DNAAF9: variants seen among roughly 807,000 people sequenced by gnomAD.
The protein encoded by DNAAF9 is shulin.
In DNAAF9, 90 loss-of-function variants were observed where a neutral mutation model predicts 167.0. The observed-to-expected ratio is 0.54, with a 90% CI of 0.45 to 0.64. The LOEUF (loss-of-function observed/expected upper bound fraction) is 0.64, where lower values mean the gene tolerates loss of function less well. Among genes scored for constraint, DNAAF9 ranks in the 30% least tolerant of loss-of-function variants. The pLI is 0.00. For missense variants in DNAAF9, 1,315 were observed against 1,442.2 expected, an observed-to-expected ratio of 0.91 and a Z score of 1.43; for synonymous variants, 491 against 508.8, an observed-to-expected ratio of 0.96 and a Z score of 0.47.
In DNAAF9 at chr20:3,333,002, C is replaced by G. The variant is rs1022463263; in HGVS notation, c.982-641G>C. Among the ~76,000 whole-genome samples the G allele has an allele frequency of 2.6e-5, 4 of 151,388 alleles. No homozygotes were observed. The East Asian group carries it at 7.8e-4, about 29-fold the overall frequency. On this transcript the variant is annotated intron_variant, in intron 10 of 36. Coordinates refer to ENST00000252032, the MANE Select transcript of DNAAF9 (RefSeq NM_001009984.3). ...CTCAGTTAGCCCAGGGATGCTAGGG[C>G]AATCATGATTCAGAAGGAAAAAGGA...
intron 7 of DNAAF9, among the ~76,000 whole-genome samples, chr20:3,355,746 C>A (rs992371824): frequency 6.6e-6 from 1 of 152,082 alleles, no homozygotes; most frequent in African/African-American, 2.4e-5. Flanking sequence ...AACCCTACTT[C>A]ATAGAATATT....
rs756322003 is a variant in DNAAF9 at position 3,332,344 on chromosome 20, T to C, written c.999A>G (p.Ser333=). ...TCGAACAAGCAAGAGGTCCCTTTGG[T>C]GAGACACACTGGGCTACCTGGATGT... is the stretch of plus-strand genomic sequence containing the variant. ...FAKHMVAQCV[S]PKGPLACSRT... The change falls in exon 11 of 37, where the codon TCA becomes TCG. Residue 333 remains serine, a synonymous_variant. Transcript: ENST00000252032. 1.2e-5 allele frequency: 20 copies of C among 1,600,936 alleles called. No homozygotes were observed. Among genetic ancestry groups the C allele is most frequent in the Middle Eastern group, 1.7e-4 (1 of 6,052 alleles).
intron 7 of DNAAF9, among the ~76,000 whole-genome samples, chr20:3,357,289 T>C (rs958786730): frequency 2.0e-5 from 3 of 151,964 alleles, no homozygotes; most frequent in African/African-American, 7.3e-5. Flanking sequence ...CTGGCCAACA[T>C]GGCAAAACCC....
intron 29 of DNAAF9, among the ~76,000 whole-genome samples, chr20:3,272,065 C>T (rs2068603750): frequency 6.6e-6 from 1 of 152,098 alleles, no homozygotes; most frequent in Non-Finnish European, 1.5e-5. Flanking sequence ...GGCTCCCCTA[C>T]TGTATGATTT....
At chr20:3,298,438 C>T (rs1275004534) in intron 21 of DNAAF9, among the ~76,000 whole-genome samples, 1 of 152,090 alleles carries the variant, frequency 6.6e-6, no homozygotes, top group African/African-American at 2.4e-5. Context: ...CTACCTCAGC[C>T]CTTCAAGTAG....
At chr20:3,346,750 A>C (rs1174146547) in intron 8 of DNAAF9, among the ~76,000 whole-genome samples, 1 of 152,108 alleles carries the variant, frequency 6.6e-6, no homozygotes, top group Admixed American at 6.6e-5. Context: ...ATAAGAAAAG[A>C]GTAACAGGAA....
intron 1 of DNAAF9, among the ~76,000 whole-genome samples, chr20:3,395,515 A>C (rs1367600714): frequency 6.6e-6 from 1 of 151,848 alleles, no homozygotes; most frequent in Non-Finnish European, 1.5e-5. Flanking sequence ...TCCTGGCCTC[A>C]AGCAATCCAC....
intron 18 of DNAAF9, chr20:3,316,206 C>A (rs750196047): frequency 6.7e-4 from 141 of 209,512 alleles, no homozygotes; most frequent in Non-Finnish European, 1.1e-3. Context: ...TGAGCACTCT[C>A]AAGAAGGGAC....
intron 30 of DNAAF9, among the ~76,000 whole-genome samples, chr20:3,267,652 T>C (rs1400179332): frequency 2.0e-5 from 3 of 152,224 alleles, no homozygotes; most frequent in South Asian, 2.1e-4. Context: ...CTGGCCAACA[T>C]GGTGAAACCC....
At chr20:3,286,255 T>A (rs1224021893) in intron 27 of DNAAF9, among the ~76,000 whole-genome samples, 3 of 152,196 alleles carry the variant, frequency 2.0e-5, no homozygotes, top group Non-Finnish European at 4.4e-5. Context: ...GGGGCTGTGA[T>A]GGGACAAAGG....
At chr20:3,278,881 A>G in intron 29 of DNAAF9, 31 bp downstream of exon 29, 1 of 1,493,880 alleles carries the variant, frequency 6.7e-7, no homozygotes, top group East Asian at 2.3e-5. Flanking sequence ...CTTGCAAGGC[A>G]TGCAGGCTGA....
chr20:3,275,312 C>T (rs1288959315), intron 29 of DNAAF9, among the ~76,000 whole-genome samples: 1 of 149,484 alleles, frequency 6.7e-6, no homozygotes, highest in Non-Finnish European at 1.5e-5. Flanking sequence ...CTATAAATAC[C>T]CTAGGACTCT....
At chr20:3,350,108 G>T (rs750032310) in intron 7 of DNAAF9, among the ~76,000 whole-genome samples, 2 of 149,868 alleles carry the variant, frequency 1.3e-5, no homozygotes, top group African/African-American at 2.5e-5. Context: ...TTGTCTACTT[G>T]CTGCCCAGAC....
intron 10 of DNAAF9, among the ~76,000 whole-genome samples, chr20:3,339,819 G>A (rs1273889113): frequency 6.6e-6 from 1 of 152,200 alleles, no homozygotes; most frequent in African/African-American, 2.4e-5. Context: ...GAGCCTGGGA[G>A]GTCAAGGCTG....
chr20:3,266,825 A>G (rs562332600), intron 30 of DNAAF9, among the ~76,000 whole-genome samples: 1 of 149,558 alleles, frequency 6.7e-6, no homozygotes, highest in East Asian at 2.0e-4. Flanking sequence ...ATTCTTCTAT[A>G]AAGGGCTTTG....
rs1382008497 is a variant in DNAAF9, at chr20:3,297,100, G to A, written c.1930-151C>T. ...AAGTTTGCTTCAAAAATAGAGGCCT[G>A]AAGCAATTTTGTTCTGTATTTTTAA... is the stretch of plus-strand genomic sequence containing the variant. On this transcript the variant is annotated intron_variant, in intron 22 of 36. Transcript: ENST00000252032. 3 of 622,700 alleles carry A rather than the reference G, an allele frequency of 4.8e-6. No homozygotes were observed. In the African/African-American group the frequency reaches 5.5e-5, roughly 11 times the overall value. 38.6% of individuals were successfully genotyped at this position (622,700 alleles called of 1,614,324 possible). A position where few individuals can be genotyped will look rare whatever the true frequency, so the allele number is the denominator to read the frequency against.
At chr20:3,266,684 G>T (rs961620416) in intron 30 of DNAAF9, among the ~76,000 whole-genome samples, 1 of 151,618 alleles carries the variant, frequency 6.6e-6, no homozygotes, top group Non-Finnish European at 1.5e-5. Context: ...TCACCGTGTT[G>T]GCCAGGATGG....
intron 31 of DNAAF9, among the ~76,000 whole-genome samples, chr20:3,264,077 C>G (rs1039275469): frequency 5.3e-5 from 8 of 152,204 alleles, no homozygotes; most frequent in Non-Finnish European, 1.0e-4. Context: ...AGAGGACTGA[C>G]TGACGGTATT....
chr20:3,294,256 C>G lies in DNAAF9; in HGVS notation c.2121G>C (p.Trp707Cys), dbSNP rs779265421. ...LLSAKLPELD[W>C]FLQHFAISSI... ...TGCTGATGGCGAAATGCTGGAGAAA[C>G]CTAAAAACACAAAGACAATGCTATT... The change falls in exon 25 of 37, where the codon TGG becomes TGC. Residue 707 changes from tryptophan to cysteine, a missense_variant and splice_region_variant. Physicochemically the swap from Trp to Cys is radical, Grantham distance 215 (BLOSUM62 -2). Coordinates refer to ENST00000252032, the MANE Select transcript of DNAAF9 (RefSeq NM_001009984.3). 6.3e-7 allele frequency: 1 copy of G among 1,591,226 alleles called. No individual in the cohort carries two copies. The highest frequency in any genetic ancestry group is 1.1e-5 in the South Asian group (1 of 90,566).
Sources: gnomAD v4.1 joint callset for allele counts (sites outside exome capture counted in the v4.1 genomes callset) on GRCh38, gnomAD v4.1.1 for gene constraint, MANE v1.5 for transcripts, NCBI Gene and HGNC (gene_info 2026-07-23, HGNC 2026-07-21) for gene names.